Variants in NAALADL2 observed in about 807,000 individuals in gnomAD.
The protein encoded by NAALADL2 is N-acetylated alpha-linked acidic dipeptidase like 2.
A neutral mutation model predicts 87.2 loss-of-function variants in NAALADL2; 76 were observed. The ratio of observed to expected loss-of-function variants is 0.87; its 90% CI spans 0.72 to 1.05. The LOEUF is 1.05. NAALADL2 is among the 50% of genes least tolerant of loss of function. The pLI is 0.00. For missense variants in NAALADL2, 1,089 were observed against 945.8 expected, an observed-to-expected ratio of 1.15 and a Z score of -1.99; for synonymous variants, 354 against 331.0, an observed-to-expected ratio of 1.07 and a Z score of -0.75.
At chr3:175,715,740 G>A (rs185728122) in intron 11 of NAALADL2, among the ~76,000 whole-genome samples, 55 of 152,152 alleles carry the variant, frequency 3.6e-4, no homozygotes, top group Middle Eastern at 6.8e-3. Flanking sequence ...GCCAGGCATA[G>A]TGGCACATGC....
intron 1 of NAALADL2, among the ~76,000 whole-genome samples, chr3:175,060,244 AC>A (rs1208345220): frequency 1.3e-5 from 2 of 152,222 alleles, no homozygotes; most frequent in East Asian, 3.9e-4. Context: ...GGGAAATCAT[AC>A]TTGGATTTCA....
At chr3:174,591,852 T>C (rs181576821) in intron 2 of NAALADL2, among the ~76,000 whole-genome samples, 3 of 152,290 alleles carry the variant, frequency 2.0e-5, no homozygotes, top group Non-Finnish European at 4.4e-5. Context: ...TTTGCTGTTT[T>C]GGATTTTTGT....
At chr3:175,567,209 A>G (rs935185569) in intron 9 of NAALADL2, among the ~76,000 whole-genome samples, 10 of 152,182 alleles carry the variant, frequency 6.6e-5, no homozygotes, top group African/African-American at 2.4e-4. Context: ...AAGTGGAGAG[A>G]GAAAAAATGA....
intron 2 of NAALADL2, among the ~76,000 whole-genome samples, chr3:175,109,545 GGAAA>G (rs1382915644): frequency 6.6e-6 from 1 of 151,538 alleles, no homozygotes; most frequent in East Asian, 1.9e-4. Flanking sequence ...AATGAAGGAA[GGAAA>G]GAAAGAAGAG....
At chr3:175,551,130 A>G (rs2149490651) in intron 9 of NAALADL2, among the ~76,000 whole-genome samples, 1 of 151,886 alleles carries the variant, frequency 6.6e-6, no homozygotes, top group East Asian at 1.9e-4. Flanking sequence ...TTCTTAATGG[A>G]ACATTTGTTG....
At chr3:174,851,239 AAAAT>A (rs1159488227) in intron 3 of NAALADL2, among the ~76,000 whole-genome samples, 1 of 151,994 alleles carries the variant, frequency 6.6e-6, no homozygotes, top group Non-Finnish European at 1.5e-5. Flanking sequence ...TTAGTAGAAG[AAAAT>A]AAATAATAAA....
chr3:174,728,252 T>C (rs949854760), intron 2 of NAALADL2, among the ~76,000 whole-genome samples: 1 of 151,980 alleles, frequency 6.6e-6, no homozygotes, highest in South Asian at 2.1e-4. Context: ...GATTTCTGGA[T>C]TGAAGCAATT....
intron 1 of NAALADL2, among the ~76,000 whole-genome samples, chr3:175,065,858 T>C (rs759938576): frequency 6.6e-6 from 1 of 152,228 alleles, no homozygotes; most frequent in Non-Finnish European, 1.5e-5. Context: ...TGATTCTGAA[T>C]TTAGTTATGT....
intron 2 of NAALADL2, among the ~76,000 whole-genome samples, chr3:175,168,924 A>G (rs1734381748): frequency 6.6e-6 from 1 of 151,878 alleles, no homozygotes; most frequent in African/African-American, 2.4e-5. Flanking sequence ...AAGATCAAAC[A>G]TTTTAGTATA....
At chr3:174,566,564 T>A (rs1372455973) in intron 2 of NAALADL2, among the ~76,000 whole-genome samples, 1 of 151,736 alleles carries the variant, frequency 6.6e-6, no homozygotes, top group Non-Finnish European at 1.5e-5. Flanking sequence ...GTTTTTCCTT[T>A]TTTTCACACT....
chr3:175,657,735 C>G (rs1323105807), intron 11 of NAALADL2, among the ~76,000 whole-genome samples: 1 of 148,912 alleles, frequency 6.7e-6, no homozygotes, highest in Non-Finnish European at 1.5e-5. Context: ...TGCCCGCCAA[C>G]ACGCCCGGCT....
chr3:174,702,526 C>G (rs968113582), intron 2 of NAALADL2, among the ~76,000 whole-genome samples: 1 of 152,122 alleles, frequency 6.6e-6, no homozygotes, highest in Non-Finnish European at 1.5e-5. Flanking sequence ...GGGATACATT[C>G]TAAGAAATAT....
chr3:175,583,544 G>A (rs1477377245), intron 10 of NAALADL2, among the ~76,000 whole-genome samples: 1 of 151,482 alleles, frequency 6.6e-6, no homozygotes, highest in Non-Finnish European at 1.5e-5. Context: ...TCAAAGACTG[G>A]AGGAAATTGA....
At chr3:174,521,197 T>C (rs1450336313) in intron 1 of NAALADL2, among the ~76,000 whole-genome samples, 1 of 152,168 alleles carries the variant, frequency 6.6e-6, no homozygotes, top group African/African-American at 2.4e-5. Context: ...AAAAGACACA[T>C]GCTCTTGAAT....
At chr3:174,592,878 G>C (rs551904492) in intron 2 of NAALADL2, among the ~76,000 whole-genome samples, 1 of 151,844 alleles carries the variant, frequency 6.6e-6, no homozygotes. Flanking sequence ...ATGTGTTGAA[G>C]TTTGACTTTA....
chr3:175,004,808 C>A (rs947280796), intron 1 of NAALADL2, among the ~76,000 whole-genome samples: 2 of 151,684 alleles, frequency 1.3e-5, no homozygotes, highest in Non-Finnish European at 2.9e-5. Context: ...AACATAAATG[C>A]AGTTCTTGTT....
chr3:175,370,217 T>G (rs1233165914), intron 5 of NAALADL2, among the ~76,000 whole-genome samples: 1 of 152,214 alleles, frequency 6.6e-6, no homozygotes, highest in African/African-American at 2.4e-5. Context: ...AAGTCATTTA[T>G]CTGGTTGCTA....
chr3:174,914,950 G>T (rs1734180771), intron 1 of NAALADL2, among the ~76,000 whole-genome samples: 1 of 152,020 alleles, frequency 6.6e-6, no homozygotes, highest in Non-Finnish European at 1.5e-5. Flanking sequence ...TGATGAAAAG[G>T]CTGGGATTTC....
chr3:174,877,303 A>G (rs1450265488), intron 1 of NAALADL2, among the ~76,000 whole-genome samples: 3 of 152,120 alleles, frequency 2.0e-5, no homozygotes, highest in Non-Finnish European at 2.9e-5. Context: ...TTCAGTACTG[A>G]TGGTTAACAA....
Sources: allele counts gnomAD v4.1 joint callset (sites outside exome capture counted in the v4.1 genomes callset), GRCh38; gene constraint gnomAD v4.1.1; transcripts MANE v1.5; gene names NCBI Gene and HGNC (gene_info 2026-07-23, HGNC 2026-07-21).